The following MINDY2 variants were observed in gnomAD, a reference collection of about 807,000 sequenced individuals.
MINDY2 encodes the protein ubiquitin carboxyl-terminal hydrolase MINDY-2.
A neutral mutation model predicts 68.2 loss-of-function variants in MINDY2; 52 were observed. That is an observed-to-expected ratio of 0.76 (90% confidence interval 0.61 to 0.96). The LOEUF is 0.96. MINDY2 is among the 40% of genes least tolerant of loss of function. The pLI is 0.00. For missense variants in MINDY2, 881 were observed against 773.4 expected, an observed-to-expected ratio of 1.14 and a Z score of -1.65; for synonymous variants, 372 against 303.0, an observed-to-expected ratio of 1.23 and a Z score of -2.36.
At chr15:58,846,320 G>A (rs886406862) in intron 6 of MINDY2, among the ~76,000 whole-genome samples, 14 of 152,114 alleles carry the variant, frequency 9.2e-5, no homozygotes, top group African/African-American at 3.1e-4. Context: ...TAGGCCAGGC[G>A]CGGTGGCTCA....
chr15:58,787,970 G>A lies in MINDY2; in HGVS notation c.898+7G>A. The A allele has an allele frequency of 6.4e-7, 1 of 1,566,636 alleles. No homozygotes were observed. Among genetic ancestry groups the A allele is most frequent in the Non-Finnish European group, 8.6e-7 (1 of 1,158,066 alleles). ...CAGCTGATGGAATATTTAGGTTAGTGTTGAAAAGTGGATTTTATATCTCTT... is the reference window on the plus strand; with the variant it reads ...CAGCTGATGGAATATTTAGGTTAGTATTGAAAAGTGGATTTTATATCTCTT... On this transcript the variant is annotated splice_region_variant and intron_variant, in intron 2 of 8. Transcript: ENST00000559228.
rs185803041 is a variant in MINDY2, at chr15:58,787,182, A to G, written c.841-724A>G. ...TTTTTTTTACTCTGTTGCCCAGGCC[A>G]GAGGTGTCACCATGTTGGCCAGGCT... On this transcript the variant is annotated intron_variant, in intron 1 of 8. Coordinates refer to ENST00000559228, the MANE Select transcript of MINDY2 (RefSeq NM_001040450.3). Among the ~76,000 whole-genome samples the G allele has an allele frequency of 3.6e-3, 409 of 113,908 alleles. 2 individuals are homozygous for G. Among genetic ancestry groups the G allele is most frequent in the African/African-American group, 0.014 (391 of 28,830 alleles). 74.7% of individuals were successfully genotyped at this position (113,908 alleles called of 152,430 possible).
chr15:58,774,567 G>A (rs1354937970), intron 1 of MINDY2, among the ~76,000 whole-genome samples: 2 of 151,384 alleles, frequency 1.3e-5, no homozygotes, highest in Non-Finnish European at 2.9e-5. Flanking sequence ...ACTATCTAGT[G>A]GGATGACAGA....
rs1293306324 is a variant in MINDY2, at chr15:58,858,058, CTTCAA to C, written c.*3451_*3455del. On this transcript the variant is annotated 3_prime_UTR_variant, in exon 9 of 9. Coordinates refer to ENST00000559228, the MANE Select transcript of MINDY2 (RefSeq NM_001040450.3). ...GTTAGATTCTCAAAAGAATTCAGAACTTCAATTTAAGAATCACCATTTTAAGAATA... is the reference window on the plus strand; with the variant it reads ...GTTAGATTCTCAAAAGAATTCAGAACTTTAAGAATCACCATTTTAAGAATA... The C allele has an allele frequency of 6.6e-6, 1 of 152,178 alleles. No individual in the cohort carries two copies. Among genetic ancestry groups the C allele is most frequent in the East Asian group, 1.9e-4 (1 of 5,208 alleles). The allele number at this position is 152,178 out of a possible 1,614,324, so 9.4% of individuals were successfully genotyped here. A position where few individuals can be genotyped will look rare whatever the true frequency, so the allele number is the denominator to read the frequency against.
chr15:58,847,088 G>T lies in MINDY2; in HGVS notation c.1369-209G>T, dbSNP rs143350858. ...AAGAGCTCTTATTTCTTGTTATAGT[G>T]TAGTGTGCCAATTATAAACTATATT... On this transcript the variant is annotated intron_variant, in intron 6 of 8. Coordinates refer to ENST00000559228, the MANE Select transcript of MINDY2 (RefSeq NM_001040450.3). Among the ~76,000 whole-genome samples, 1,126 of 152,272 alleles carry T rather than the reference G, an allele frequency of 7.4e-3. 11 individuals are homozygous for T. The highest frequency in any genetic ancestry group is 0.026 in the African/African-American group (1,079 of 41,552).
chr15:58,794,298 A>G (rs1902126169), intron 2 of MINDY2, among the ~76,000 whole-genome samples: 1 of 151,960 alleles, frequency 6.6e-6, no homozygotes, highest in South Asian at 2.1e-4. Flanking sequence ...GGTAATAATG[A>G]AACTGTATTA....
In MINDY2 at chr15:58,860,880, G is replaced by A. The variant is rs2033200638; in HGVS notation, c.*6270G>A. 1 of 152,082 alleles carries A rather than the reference G, an allele frequency of 6.6e-6. No homozygotes were observed. Among genetic ancestry groups the A allele is most frequent in the African/African-American group, 2.4e-5 (1 of 41,416 alleles). The allele number at this position is 152,082 out of a possible 1,614,324, so 9.4% of individuals were successfully genotyped here. ...TTTTCAGGGTACATAGGGTATCTTT[G>A]TTTTACAGATTTTTAAAGATGAGGT... On this transcript the variant is annotated 3_prime_UTR_variant, in exon 9 of 9. Transcript: ENST00000559228.
At chr15:58,811,117 C>G (rs1374179302) in intron 4 of MINDY2, among the ~76,000 whole-genome samples, 1 of 152,240 alleles carries the variant, frequency 6.6e-6, no homozygotes, top group African/African-American at 2.4e-5. Flanking sequence ...ACAGTCACTC[C>G]TATTGGTACA....
rs1407111747 is a variant in MINDY2 at position 58,771,954 on chromosome 15, A to G, written c.559A>G (p.Ser187Gly). The G allele has an allele frequency of 5.1e-6, 8 of 1,559,014 alleles. No homozygotes were observed. Among genetic ancestry groups the G allele is most frequent in the Non-Finnish European group, 6.9e-6 (8 of 1,154,932 alleles). ...GTTCTCTAACCTGCATTCTTTTCCCAGTAGCTGCGAGTTCAATAGTGAGGA... is the reference window on the plus strand; with the variant it reads ...GTTCTCTAACCTGCATTCTTTTCCCGGTAGCTGCGAGTTCAATAGTGAGGA... ...ESFSNLHSFP[S>G]SCEFNSEEGA... Residue 187 changes from serine (S) to glycine (G), a missense_variant, in exon 1 of 9, where the codon AGT becomes GGT. Physicochemically the swap from Ser to Gly is moderately conservative, Grantham distance 56. Coordinates refer to ENST00000559228, the MANE Select transcript of MINDY2 (RefSeq NM_001040450.3).
At chr15:58,844,456 G>T (rs530939928) in intron 6 of MINDY2, among the ~76,000 whole-genome samples, 2 of 151,864 alleles carry the variant, frequency 1.3e-5, no homozygotes, top group East Asian at 3.9e-4. Context: ...GGAGGCTGAG[G>T]CGGGAGAATG....
intron 2 of MINDY2, among the ~76,000 whole-genome samples, chr15:58,791,060 G>T (rs1471973677): frequency 6.7e-6 from 1 of 150,264 alleles, no homozygotes; most frequent in Admixed American, 6.7e-5. Context: ...GGCACGTGTA[G>T]TCCCAACTAC....
chr15:58,801,034 C>T (rs530530953), intron 2 of MINDY2, among the ~76,000 whole-genome samples: 2 of 151,894 alleles, frequency 1.3e-5, no homozygotes, highest in Non-Finnish European at 2.9e-5. Flanking sequence ...AGTACAGTGG[C>T]GTGATCTTGG....
At chr15:58,839,180 G>T (rs139986422) in intron 6 of MINDY2, among the ~76,000 whole-genome samples, 4 of 152,048 alleles carry the variant, frequency 2.6e-5, no homozygotes, top group Non-Finnish European at 5.9e-5. Context: ...AGAGATGTTT[G>T]AGCTGTGGGC....
Position 58,851,863 on chromosome 15 carries a change from A to G in MINDY2, c.1635A>G (p.Leu545=). 2 of 1,613,630 alleles carry G rather than the reference A, an allele frequency of 1.2e-6. No individual in the cohort carries two copies. The highest frequency in any genetic ancestry group is 1.7e-6 in the Non-Finnish European group (2 of 1,179,810). ...CGGAAGGAATCAGTGATTTGGAACT[A>G]GCAAAGAAACTCCAAGAGGAAGAGG... ...QIPEGISDLE[L]AKKLQEEEDR... Residue 545 remains leucine (L), a synonymous_variant, in exon 8 of 9, where the codon CTA becomes CTG. Transcript: ENST00000559228.
At chr15:58,807,037 G>C (rs1903062299) in intron 3 of MINDY2, among the ~76,000 whole-genome samples, 1 of 152,070 alleles carries the variant, frequency 6.6e-6, no homozygotes. Context: ...GGAATTTTAT[G>C]AATTATTTCA....
chr15:58,795,676 T>C (rs1273127696), intron 2 of MINDY2, among the ~76,000 whole-genome samples: 1 of 152,202 alleles, frequency 6.6e-6, no homozygotes, highest in Non-Finnish European at 1.5e-5. Context: ...AGTGCCGGGA[T>C]TACAGGCGTG....
rs755741260 is a variant in MINDY2 at position 58,771,438 on chromosome 15, G to A, written c.43G>A (p.Val15Met). The change falls in exon 1 of 9, where the codon GTG becomes ATG. Residue 15 changes from valine to methionine, a missense_variant. Val to Met is a conservative substitution (Grantham distance 21). Coordinates refer to ENST00000559228, the MANE Select transcript of MINDY2 (RefSeq NM_001040450.3). ...PESLQPLEHG[V>M]AAGPASGTGS... ...GAGCCTGCAGCCGCTAGAACACGGGGTGGCGGCCGGGCCAGCGTCAGGGAC... is the reference window on the plus strand; with the variant it reads ...GAGCCTGCAGCCGCTAGAACACGGGATGGCGGCCGGGCCAGCGTCAGGGAC... The A allele has an allele frequency of 1.9e-6, 3 of 1,612,326 alleles. No homozygotes were observed. The highest frequency in any genetic ancestry group is 2.5e-6 in the Non-Finnish European group (3 of 1,179,734).
At chr15:58,798,519 A>G (rs183305600) in intron 2 of MINDY2, among the ~76,000 whole-genome samples, 215 of 150,540 alleles carry the variant, frequency 1.4e-3, no homozygotes, top group African/African-American at 4.8e-3. Context: ...GCAATGGCAC[A>G]ATCTTGGCTC....
chr15:58,797,726 C>T (rs1170716539), intron 2 of MINDY2, among the ~76,000 whole-genome samples: 1 of 152,122 alleles, frequency 6.6e-6, no homozygotes, highest in East Asian at 1.9e-4. Context: ...TAACCTCTTC[C>T]CTGCTCGTTA....
Sources: allele counts gnomAD v4.1 joint callset (sites outside exome capture counted in the v4.1 genomes callset), GRCh38; gene constraint gnomAD v4.1.1; transcripts MANE v1.5; gene names NCBI Gene and HGNC (gene_info 2026-07-23, HGNC 2026-07-21).